ZNF804B: variants seen among roughly 807,000 people sequenced by gnomAD.
ZNF804B encodes zinc finger protein 804B, also known as zinc finger 804B.
A neutral mutation model predicts 101.4 loss-of-function variants in ZNF804B; 80 were observed. That is an observed-to-expected ratio of 0.79 (90% CI 0.66 to 0.95). The LOEUF (loss-of-function observed/expected upper bound fraction) is 0.95. ZNF804B is among the 40% of genes least tolerant of loss of function. The pLI, the probability that ZNF804B is intolerant of heterozygous loss-of-function variation, is 0.00. For synonymous variants in ZNF804B, 622 were observed against 558.8 expected, an observed-to-expected ratio of 1.11 and a Z score of -1.59; for missense variants, 1,673 against 1,561.9, an observed-to-expected ratio of 1.07 and a Z score of -1.20.
intron 1 of ZNF804B, among the ~76,000 whole-genome samples, chr7:88,807,728 T>C (rs929646371): frequency 2.6e-5 from 4 of 152,202 alleles, no homozygotes; most frequent in Non-Finnish European, 5.9e-5. Context: ...TTCTGTAAGA[T>C]TATAGACAGC....
intron 1 of ZNF804B, among the ~76,000 whole-genome samples, chr7:89,119,416 G>A (rs768196758): frequency 5.9e-5 from 9 of 152,284 alleles, no homozygotes; most frequent in Non-Finnish European, 1.2e-4. Context: ...AGTTTAGAAA[G>A]TTCAGGGAGA....
chr7:89,180,890 G>T (rs932800871), intron 1 of ZNF804B, among the ~76,000 whole-genome samples: 8 of 148,548 alleles, frequency 5.4e-5, no homozygotes, highest in African/African-American at 2.0e-4. Context: ...ACACCAGAGT[G>T]CTTTAGCCTG....
At chr7:89,046,583 A>C (rs1789110459) in intron 1 of ZNF804B, among the ~76,000 whole-genome samples, 1 of 152,198 alleles carries the variant, frequency 6.6e-6, no homozygotes, top group South Asian at 2.1e-4. Flanking sequence ...TATCTAACCA[A>C]ATATACCTCC....
intron 1 of ZNF804B, among the ~76,000 whole-genome samples, chr7:88,936,066 C>T (rs1370739157): frequency 6.7e-6 from 1 of 148,464 alleles, no homozygotes; most frequent in Non-Finnish European, 1.5e-5. Context: ...CCTTTCCTTT[C>T]CCCTTCTCTC....
chr7:89,173,103 A>G (rs1791263022), intron 1 of ZNF804B, among the ~76,000 whole-genome samples: 2 of 152,214 alleles, frequency 1.3e-5, no homozygotes, highest in East Asian at 3.9e-4. Flanking sequence ...ACATTATTTA[A>G]CAAAGGACCT....
chr7:89,018,064 G>C (rs993521972), intron 1 of ZNF804B, among the ~76,000 whole-genome samples: 1 of 151,764 alleles, frequency 6.6e-6, no homozygotes, highest in African/African-American at 2.4e-5. Flanking sequence ...TTAATAAAAG[G>C]AATGAAAGTG....
At chr7:88,845,284 C>G (rs1048289027) in intron 1 of ZNF804B, among the ~76,000 whole-genome samples, 2 of 111,112 alleles carry the variant, frequency 1.8e-5, no homozygotes, top group East Asian at 8.8e-4. Flanking sequence ...TGTGCGCACG[C>G]GCGCGCGCAC....
Position 88,791,090 on chromosome 7 carries a change from T to A in ZNF804B, c.108+31006T>A, listed in dbSNP as rs184359767. On this transcript the variant is annotated intron_variant, in intron 1 of 3. Coordinates refer to ENST00000333190, the MANE Select transcript of ZNF804B (RefSeq NM_181646.5). ...TGAGAGTGAGTATAAATTAAAAAAA[T>A]TCTATCAATGGAGATCAAATCTTAA... Among the ~76,000 whole-genome samples, 311 of 152,210 alleles carry A rather than the reference T, an allele frequency of 2.0e-3. 1 individual carries two copies. The highest frequency in any genetic ancestry group is 7.2e-3 in the African/African-American group (299 of 41,550).
intron 1 of ZNF804B, among the ~76,000 whole-genome samples, chr7:88,969,254 CTTG>C (rs754652222): frequency 1.5e-4 from 22 of 151,694 alleles, no homozygotes; most frequent in Non-Finnish European, 2.4e-4. Flanking sequence ...TAGTCACTCT[CTTG>C]TTGTTATAGC....
intron 1 of ZNF804B, among the ~76,000 whole-genome samples, chr7:89,188,393 C>T (rs1788406204): frequency 6.6e-6 from 1 of 152,038 alleles, no homozygotes; most frequent in African/African-American, 2.4e-5. Flanking sequence ...CTCCTTGGCC[C>T]TCCCTATTCC....
At chr7:89,200,933 C>G (rs1369496530) in intron 1 of ZNF804B, among the ~76,000 whole-genome samples, 2 of 151,664 alleles carry the variant, frequency 1.3e-5, no homozygotes, top group South Asian at 4.1e-4. Context: ...TTTTTTCTTT[C>G]ACTTGGCATT....
rs141114754 is a variant in ZNF804B, at chr7:88,844,967, T to C, written c.108+84883T>C. ...GTGGATCTGCGAGCTGGAAGTTCTC[T>C]CATTAAAGCAAAACCATCATAGAAA... On this transcript the variant is annotated intron_variant, in intron 1 of 3. Transcript: ENST00000333190. Among the ~76,000 whole-genome samples the C allele has an allele frequency of 2.3e-3, 344 of 152,320 alleles. 3 individuals are homozygous for C. Among genetic ancestry groups the C allele is most frequent in the African/African-American group, 7.9e-3 (330 of 41,574 alleles).
At chr7:88,930,285 A>G (rs1381769040) in intron 1 of ZNF804B, among the ~76,000 whole-genome samples, 1 of 151,996 alleles carries the variant, frequency 6.6e-6, no homozygotes, top group Non-Finnish European at 1.5e-5. Context: ...TGCAAAAATT[A>G]AAGATAATAG....
intron 1 of ZNF804B, among the ~76,000 whole-genome samples, chr7:88,921,163 G>A (rs1274933750): frequency 6.6e-6 from 1 of 152,066 alleles, no homozygotes; most frequent in African/African-American, 2.4e-5. Context: ...GTGGAATTGT[G>A]AAAAAATAGG....
At chr7:89,210,410 C>T (rs1030939112) in intron 1 of ZNF804B, among the ~76,000 whole-genome samples, 6 of 151,988 alleles carry the variant, frequency 3.9e-5, no homozygotes, top group Non-Finnish European at 7.4e-5. Flanking sequence ...AAACGTGTGC[C>T]ATGGTGGTTT....
intron 1 of ZNF804B, among the ~76,000 whole-genome samples, chr7:89,136,052 C>G (rs1790630139): frequency 6.6e-6 from 1 of 152,164 alleles, no homozygotes; most frequent in Admixed American, 6.5e-5. Context: ...TTATTTGTAG[C>G]TTGCTAACAT....
intron 1 of ZNF804B, among the ~76,000 whole-genome samples, chr7:89,134,578 TG>T (rs1790602442): frequency 6.6e-6 from 1 of 152,084 alleles, no homozygotes; most frequent in African/African-American, 2.4e-5. Context: ...GAGGGTTTGA[TG>T]TTGCTGCTTC....
At chr7:89,106,246 C>G (rs1790135178) in intron 1 of ZNF804B, among the ~76,000 whole-genome samples, 1 of 152,098 alleles carries the variant, frequency 6.6e-6, no homozygotes, top group Non-Finnish European at 1.5e-5. Context: ...TGATATATCA[C>G]TTACTGTTAC....
chr7:88,981,799 G>A (rs1793697894), intron 1 of ZNF804B, among the ~76,000 whole-genome samples: 1 of 151,928 alleles, frequency 6.6e-6, no homozygotes, highest in African/African-American at 2.4e-5. Flanking sequence ...CAAGATCACT[G>A]TGCTCTCCTC....
Sources: gnomAD v4.1 joint callset for allele counts (sites outside exome capture counted in the v4.1 genomes callset) on GRCh38, gnomAD v4.1.1 for gene constraint, MANE v1.5 for transcripts, NCBI Gene and HGNC (gene_info 2026-07-23, HGNC 2026-07-21) for gene names.